Variants in MERTK observed in about 807,000 individuals in gnomAD.
MERTK encodes the protein tyrosine-protein kinase Mer.
In MERTK, 69 loss-of-function variants were observed where a neutral mutation model predicts 99.3. That is an observed-to-expected ratio of 0.70 (90% CI 0.57 to 0.85). The LOEUF (loss-of-function observed/expected upper bound fraction) is 0.85. Among genes scored for constraint, MERTK ranks in the 40% least tolerant of loss-of-function variants. MERTK has a pLI of 0.00. For synonymous variants in MERTK, 426 were observed against 467.6 expected, an observed-to-expected ratio of 0.91 and a Z score of 1.15; for missense variants, 1,125 against 1,249.4, an observed-to-expected ratio of 0.90 and a Z score of 1.50.
Position 111,965,293 on chromosome 2 carries a change from A to G in MERTK, c.844+16A>G. 1 of 1,613,390 alleles carries G rather than the reference A, an allele frequency of 6.2e-7. No individual in the cohort carries two copies. On this transcript the variant is annotated intron_variant, in intron 5 of 18. Coordinates refer to ENST00000295408, the MANE Select transcript of MERTK (RefSeq NM_006343.3). The stretch of plus-strand genomic sequence containing the variant: ...AACATCAAAGGTAAGCAGCAAGGCT[A>G]GGCTCCCCATGCATGTTCTGGGAGC...
intron 13 of MERTK, among the ~76,000 whole-genome samples, chr2:112,007,526 C>G (rs919977995): frequency 6.6e-6 from 1 of 152,162 alleles, no homozygotes; most frequent in African/African-American, 2.4e-5. Flanking sequence ...CCTTTCTCCC[C>G]AGCCCTGGCA....
rs766461594 is a variant in MERTK at position 111,994,571 on chromosome 2, T to C, written c.1450+167T>C. ...AAGCAGGAGGAGTTTGAGAACAACC[T>C]GGGCAATGGGCAACATAGTGAGACC... On this transcript the variant is annotated intron_variant, in intron 9 of 18. Coordinates refer to ENST00000295408, the MANE Select transcript of MERTK (RefSeq NM_006343.3). 30 of 861,420 alleles carry C rather than the reference T, an allele frequency of 3.5e-5. 1 individual carries two copies. The highest frequency in any genetic ancestry group is 5.4e-5 in the Non-Finnish European group (27 of 504,354). 53.4% of individuals were successfully genotyped at this position (861,420 alleles called of 1,614,324 possible).
intron 15 of MERTK, among the ~76,000 whole-genome samples, chr2:112,014,612 A>G (rs1437384366): frequency 6.6e-6 from 1 of 152,068 alleles, no homozygotes; most frequent in East Asian, 1.9e-4. Context: ...AATGTTACAT[A>G]AATGGAGTCA....
intron 2 of MERTK, among the ~76,000 whole-genome samples, chr2:111,932,756 A>G (rs896418789): frequency 6.6e-6 from 1 of 152,166 alleles, no homozygotes; most frequent in Non-Finnish European, 1.5e-5. Context: ...AAGAGTATAT[A>G]TTAGTTTCAG....
intron 1 of MERTK, among the ~76,000 whole-genome samples, chr2:111,924,714 A>G (rs530971596): frequency 2.6e-5 from 4 of 151,934 alleles, no homozygotes; most frequent in Non-Finnish European, 5.9e-5. Flanking sequence ...ATTTTGGTTT[A>G]TCTCCCATTT....
chr2:111,994,288 G>T lies in MERTK; in HGVS notation c.1334G>T (p.Arg445Leu). The T allele has an allele frequency of 1.9e-6, 3 of 1,614,128 alleles. No individual in the cohort carries two copies. Among genetic ancestry groups the T allele is most frequent in the Non-Finnish European group, 2.5e-6 (3 of 1,180,034 alleles). The change falls in exon 9 of 19, where the codon CGA becomes CTA. Residue 445 changes from arginine (R) to leucine (L), a missense_variant. Arg to Leu is a moderately radical substitution (Grantham distance 102, BLOSUM62 -2). Transcript: ENST00000295408. Reference sequence around the variant, plus strand: ...GAGGAAGTTGGCCAGAATGGCAGCCGAGCTCGGATCTCTGTTCAAGTCCAC... The same window carrying T: ...GAGGAAGTTGGCCAGAATGGCAGCCTAGCTCGGATCTCTGTTCAAGTCCAC... ...LLEEVGQNGS[R>L]ARISVQVHNA...
intron 4 of MERTK, among the ~76,000 whole-genome samples, chr2:111,953,995 T>G (rs1685102145): frequency 6.6e-6 from 1 of 152,226 alleles, no homozygotes; most frequent in African/African-American, 2.4e-5. Flanking sequence ...CTCTTACCTG[T>G]GGTCCAATCT....
At chr2:111,953,629 G>A (rs1042220128) in intron 4 of MERTK, among the ~76,000 whole-genome samples, 1 of 152,046 alleles carries the variant, frequency 6.6e-6, no homozygotes, top group African/African-American at 2.4e-5. Flanking sequence ...AGGCTGGAGT[G>A]CAATGGCGTG....
intron 11 of MERTK, among the ~76,000 whole-genome samples, chr2:112,002,472 C>T (rs1437273129): frequency 6.6e-6 from 1 of 152,090 alleles, no homozygotes; most frequent in Admixed American, 6.6e-5. Flanking sequence ...ACTTATCTTC[C>T]TTACCCCTTT....
At chr2:112,016,295 A>G (rs1390449429) in intron 15 of MERTK, among the ~76,000 whole-genome samples, 2 of 152,218 alleles carry the variant, frequency 1.3e-5, no homozygotes, top group African/African-American at 4.8e-5. Flanking sequence ...ATTTGCAAAA[A>G]AATACAAGTG....
chr2:112,007,130 C>G (rs1203566336), intron 13 of MERTK, among the ~76,000 whole-genome samples: 1 of 152,082 alleles, frequency 6.6e-6, no homozygotes, highest in African/African-American at 2.4e-5. Context: ...ATACAACCAT[C>G]ACTACCATCC....
intron 1 of MERTK, among the ~76,000 whole-genome samples, chr2:111,915,107 G>T (rs189140400): frequency 6.6e-6 from 1 of 152,096 alleles, no homozygotes; most frequent in African/African-American, 2.4e-5. Flanking sequence ...TTCATGTGGG[G>T]TACATTGTGA....
chr2:111,994,886 A>T (rs558422039), intron 9 of MERTK, among the ~76,000 whole-genome samples: 4 of 152,324 alleles, frequency 2.6e-5, no homozygotes, highest in African/African-American at 7.2e-5. Context: ...TGATACCCAT[A>T]GGTCCCTCCT....
intron 2 of MERTK, among the ~76,000 whole-genome samples, chr2:111,944,302 TCAAAAAA>T (rs1684917551): frequency 1.8e-5 from 1 of 57,126 alleles, no homozygotes; most frequent in Non-Finnish European, 3.0e-5. Context: ...AGAATCTGTC[TCAAAAAA>T]AAAAAAAAAA....
At chr2:111,978,116 TG>T (rs112683152) in intron 7 of MERTK, among the ~76,000 whole-genome samples, 1,241 of 93,972 alleles carry the variant, frequency 0.013, 9 homozygotes, top group African/African-American at 0.034. Context: ...AGCTAATTTT[TG>T]GTTTTTTTTT....
chr2:112,028,382 G>T lies in MERTK; in HGVS notation c.2518G>T (p.Asp840Tyr), dbSNP rs752793588. 6.8e-6 allele frequency: 11 copies of T among 1,614,138 alleles called. No homozygotes were observed. The highest frequency in any genetic ancestry group is 3.4e-6 in the Non-Finnish European group (4 of 1,180,032). ...AATAATGTACTCTTGCTGGAGAACC[G>T]ATCCCTTAGACCGCCCCACCTTTTC... ...YEIMYSCWRT[D>Y]PLDRPTFSVL... Residue 840 changes from aspartate (D) to tyrosine (Y), a missense_variant, in exon 19 of 19, where the codon GAT (aspartate) becomes TAT (tyrosine). By Grantham distance (160) the Asp-to-Tyr change is radical. Coordinates refer to ENST00000295408, the MANE Select transcript of MERTK (RefSeq NM_006343.3).
At chr2:111,962,806 T>C (rs1199333925) in intron 4 of MERTK, among the ~76,000 whole-genome samples, 1 of 152,186 alleles carries the variant, frequency 6.6e-6, no homozygotes, top group Non-Finnish European at 1.5e-5. Context: ...GCTGTGACAA[T>C]TTCTCAAACT....
In MERTK at chr2:111,908,081, G is replaced by T. The variant is rs530773491; in HGVS notation, c.61+9285G>T. Reference sequence around the variant, plus strand: ...AGCCTCTCTCTATTACCCCATCCCAGGAGGGGTATGTATCAGAACCTGGCC... The same window carrying T: ...AGCCTCTCTCTATTACCCCATCCCATGAGGGGTATGTATCAGAACCTGGCC... On this transcript the variant is annotated intron_variant, in intron 1 of 18. Transcript: ENST00000295408. 3.3e-5 allele frequency among the ~76,000 whole-genome samples: 5 copies of T among 152,314 alleles called. No homozygotes were observed. In the East Asian group the frequency reaches 9.7e-4, roughly 29 times the overall value.
chr2:111,969,910 C>T (rs949401308), intron 6 of MERTK, among the ~76,000 whole-genome samples: 2 of 152,068 alleles, frequency 1.3e-5, no homozygotes, highest in Admixed American at 1.3e-4. Context: ...CCAGGATGGT[C>T]TCCATCTCCT....
Sources: allele counts gnomAD v4.1 joint callset (sites outside exome capture counted in the v4.1 genomes callset), GRCh38; gene constraint gnomAD v4.1.1; transcripts MANE v1.5; gene names NCBI Gene and HGNC (gene_info 2026-07-23, HGNC 2026-07-21).